Variants in BMERB1 observed in about 807,000 individuals in gnomAD.
BMERB1 encodes the protein bMERB domain containing 1.
Under a neutral mutation model 23.6 loss-of-function variants are expected in BMERB1, and 12 were observed. That is an observed-to-expected ratio of 0.51 (90% CI 0.33 to 0.82). The LOEUF (loss-of-function observed/expected upper bound fraction) is 0.82. Among genes scored for constraint, BMERB1 ranks in the 40% least tolerant of loss-of-function variants. The pLI, the probability that BMERB1 is intolerant of heterozygous loss-of-function variation, is 0.03. For missense variants in BMERB1, 247 were observed against 255.4 expected (o/e 0.97, Z 0.22); for synonymous variants, 122 against 96.6 (o/e 1.26, Z -1.54).
intron 1 of BMERB1, among the ~76,000 whole-genome samples, chr16:15,470,347 C>T (rs1009660848): frequency 6.6e-6 from 1 of 151,990 alleles, no homozygotes; most frequent in Admixed American, 6.6e-5. Context: ...TAATTCTTTT[C>T]ATCCATCATT....
At chr16:15,457,846 C>A (rs1189425912) in intron 1 of BMERB1, among the ~76,000 whole-genome samples, 1 of 152,172 alleles carries the variant, frequency 6.6e-6, no homozygotes, top group Non-Finnish European at 1.5e-5. Context: ...ACTCACAGTT[C>A]CGCATGGCTG....
At chr16:15,486,677 TATCA>T (rs1203334156) in intron 1 of BMERB1, among the ~76,000 whole-genome samples, 1 of 152,220 alleles carries the variant, frequency 6.6e-6, no homozygotes, top group Non-Finnish European at 1.5e-5. Flanking sequence ...TACACAGTGA[TATCA>T]ATTAAATTCT....
intron 1 of BMERB1, among the ~76,000 whole-genome samples, chr16:15,445,343 T>G (rs1482013618): frequency 6.6e-6 from 1 of 152,178 alleles, no homozygotes; most frequent in Non-Finnish European, 1.5e-5. Context: ...ATGTTAATTA[T>G]TATATTATTG....
At chr16:15,494,069 T>C (rs1290315385) in intron 1 of BMERB1, among the ~76,000 whole-genome samples, 1 of 152,178 alleles carries the variant, frequency 6.6e-6, no homozygotes, top group Non-Finnish European at 1.5e-5. Context: ...TAGCTCAGGA[T>C]AGATTTATAA....
intron 2 of BMERB1, among the ~76,000 whole-genome samples, chr16:15,565,365 T>A (rs1171923261): frequency 6.6e-6 from 1 of 152,206 alleles, no homozygotes; most frequent in Non-Finnish European, 1.5e-5. Flanking sequence ...AGGAGCAAAG[T>A]AAGATACTGG....
chr16:15,438,836 G>C (rs1230305292), intron 1 of BMERB1, among the ~76,000 whole-genome samples: 1 of 152,108 alleles, frequency 6.6e-6, no homozygotes, highest in Admixed American at 6.6e-5. Flanking sequence ...AACTCTCAGG[G>C]TATCTATGGA....
chr16:15,568,522 C>T (rs2030639866), intron 3 of BMERB1, among the ~76,000 whole-genome samples: 1 of 152,058 alleles, frequency 6.6e-6, no homozygotes, highest in Admixed American at 6.6e-5. Flanking sequence ...CCTGTAATCC[C>T]AGGTAACCGG....
intron 1 of BMERB1, among the ~76,000 whole-genome samples, chr16:15,458,027 C>T (rs1484417154): frequency 6.6e-6 from 1 of 152,156 alleles, no homozygotes; most frequent in African/African-American, 2.4e-5. Context: ...GGAAAACCAC[C>T]TCCATGATCC....
chr16:15,440,433 CG>C (rs2050930427), intron 1 of BMERB1, among the ~76,000 whole-genome samples: 2 of 151,778 alleles, frequency 1.3e-5, no homozygotes, highest in African/African-American at 4.8e-5. Context: ...AACTGGCCAG[CG>C]TTTCAGGTTT....
At chr16:15,474,113 C>CT (rs1839427710) in intron 1 of BMERB1, among the ~76,000 whole-genome samples, 2 of 126,480 alleles carry the variant, frequency 1.6e-5, no homozygotes, top group South Asian at 5.3e-4. Context: ...GAGTGAGACT[C>CT]TGTCTCAAAA....
intron 2 of BMERB1, among the ~76,000 whole-genome samples, chr16:15,526,168 A>G (rs2051902823): frequency 1.3e-5 from 2 of 152,214 alleles, no homozygotes; most frequent in African/African-American, 2.4e-5. Context: ...GTTGTAGAAC[A>G]TTCTATTCAC....
chr16:15,565,337 TTTCCTAGGATAG>T (rs1441118579), intron 2 of BMERB1, among the ~76,000 whole-genome samples: 2 of 152,218 alleles, frequency 1.3e-5, no homozygotes, highest in Non-Finnish European at 2.9e-5. Flanking sequence ...TCCTCTGGTT[TTTCCTAGGATAG>T]TTGTCAGGAG....
At chr16:15,445,570 C>A (rs2050981893) in intron 1 of BMERB1, among the ~76,000 whole-genome samples, 1 of 152,012 alleles carries the variant, frequency 6.6e-6, no homozygotes, top group Non-Finnish European at 1.5e-5. Flanking sequence ...TTAGGAAAAA[C>A]CAAATTGGAA....
rs970907958 is a variant in BMERB1, at chr16:15,587,337, A to G, written c.*508A>G. 6 of 244,328 alleles carry G rather than the reference A, an allele frequency of 2.5e-5. No homozygotes were observed. The highest frequency in any genetic ancestry group is 6.9e-5 in the African/African-American group (3 of 43,500). The allele number at this position is 244,328 out of a possible 1,614,324, so 15.1% of individuals were successfully genotyped here. The stretch of plus-strand genomic sequence containing the variant: ...GCAACTGTGCCCTGGAGGGCTCCAC[A>G]TGGCCCCCGTGTCTCTCGGGCACCA... On this transcript the variant is annotated 3_prime_UTR_variant, in exon 6 of 6. Coordinates refer to ENST00000300006, the MANE Select transcript of BMERB1 (RefSeq NM_033201.3).
At chr16:15,584,330 CGGGCG>C in intron 5 of BMERB1, 14 of 309,412 alleles carry the variant, frequency 4.5e-5, no homozygotes, top group South Asian at 1.4e-4. Flanking sequence ...GAGGCCGAGG[CGGGCG>C]GATCACAGGT....
chr16:15,536,141 A>T (rs2150961206), intron 2 of BMERB1, among the ~76,000 whole-genome samples: 1 of 152,244 alleles, frequency 6.6e-6, no homozygotes, highest in Admixed American at 6.5e-5. Flanking sequence ...AGATTTGGGA[A>T]GTGGAAGGAA....
intron 2 of BMERB1, among the ~76,000 whole-genome samples, chr16:15,535,778 T>A (rs2052019087): frequency 6.6e-6 from 1 of 152,062 alleles, no homozygotes; most frequent in Non-Finnish European, 1.5e-5. Flanking sequence ...TTGAGTAATT[T>A]ATAAAATAGA....
At chr16:15,521,111 G>A (rs139150574) in intron 2 of BMERB1, among the ~76,000 whole-genome samples, 26 of 152,290 alleles carry the variant, frequency 1.7e-4, no homozygotes, top group African/African-American at 6.3e-4. Flanking sequence ...CAGGGAGATG[G>A]ATTTGAGACT....
intron 3 of BMERB1, among the ~76,000 whole-genome samples, chr16:15,572,337 G>A (rs1215311971): frequency 6.6e-6 from 1 of 152,214 alleles, no homozygotes; most frequent in South Asian, 2.1e-4. Flanking sequence ...CGCAATGACA[G>A]TAGAACTGAA....
Sources: gnomAD v4.1 joint callset for allele counts (sites outside exome capture counted in the v4.1 genomes callset) on GRCh38, gnomAD v4.1.1 for gene constraint, MANE v1.5 for transcripts, NCBI Gene and HGNC (gene_info 2026-07-23, HGNC 2026-07-21) for gene names.